The following PCDHGA5 variants were observed in gnomAD, a reference collection of about 807,000 sequenced individuals.
The protein encoded by PCDHGA5 is protocadherin gamma subfamily A, 5, also known as protocadherin gamma-A5.
PCDHGA5 carries 36 observed loss-of-function variants against 56.7 expected under a neutral mutation model. The ratio of observed to expected loss-of-function variants is 0.64; its 90% CI spans 0.49 to 0.84. The LOEUF is 0.84. Among genes scored for constraint, PCDHGA5 ranks in the 40% least tolerant of loss-of-function variants. The pLI is 0.00. For missense variants in PCDHGA5, 1,305 were observed against 1,201.5 expected, an observed-to-expected ratio of 1.09 and a Z score of -1.27; for synonymous variants, 563 against 520.2, an observed-to-expected ratio of 1.08 and a Z score of -1.12.
intron 1 of PCDHGA5, chr5:141,384,902 T>A: frequency 3.1e-6 from 5 of 1,613,898 alleles, no homozygotes; most frequent in Non-Finnish European, 4.2e-6. Flanking sequence ...GCTGACAGCA[T>A]CCCCGAAGTC....
At chr5:141,495,123 T>C (rs2099759225) in intron 2 of PCDHGA5, among the ~76,000 whole-genome samples, 1 of 152,162 alleles carries the variant, frequency 6.6e-6, no homozygotes, top group African/African-American at 2.4e-5. Flanking sequence ...TCCTATCCCC[T>C]GAGGGCACTG....
At chr5:141,409,832 G>A (rs777679132) in intron 1 of PCDHGA5, 20 of 1,610,814 alleles carry the variant, frequency 1.2e-5, no homozygotes, top group Non-Finnish European at 1.6e-5. Context: ...CACGCTCAGC[G>A]CCAACGTGAG....
At chr5:141,484,891 C>T in intron 1 of PCDHGA5, 1 of 361,788 alleles carries the variant, frequency 2.8e-6, no homozygotes, top group Non-Finnish European at 5.0e-6. Context: ...GGGCTTTTTC[C>T]CCTCCAATGC....
chr5:141,476,912 G>A lies in PCDHGA5; in HGVS notation c.2422-17895G>A, dbSNP rs1196222770. 1.9e-6 allele frequency: 3 copies of A among 1,614,098 alleles called. No homozygotes were observed. Among genetic ancestry groups the A allele is most frequent in the Non-Finnish European group, 2.5e-6 (3 of 1,180,048 alleles). On this transcript the variant is annotated intron_variant, in intron 1 of 3. Coordinates refer to ENST00000518069, the MANE Select transcript of PCDHGA5 (RefSeq NM_018918.3). The surrounding 1 kb of genome is among the most constrained non-coding windows in gnomAD (Gnocchi z 7.6). Reference sequence around the variant, plus strand: ...ACCCTCCGGCACGCGCGTGGTACAAGTCCTTGCAACGGATCTGGATGAAGG... The same window carrying A: ...ACCCTCCGGCACGCGCGTGGTACAAATCCTTGCAACGGATCTGGATGAAGG...
chr5:141,387,736 A>C, intron 1 of PCDHGA5: 3 of 1,307,572 alleles, frequency 2.3e-6, no homozygotes, highest in East Asian at 2.5e-5. Flanking sequence ...GCCAGCCTTT[A>C]CACCGCTTCC....
intron 1 of PCDHGA5, among the ~76,000 whole-genome samples, chr5:141,425,219 G>T (rs779272038): frequency 2.0e-5 from 3 of 152,148 alleles, no homozygotes; most frequent in Non-Finnish European, 2.9e-5. Context: ...ATTGTACTTT[G>T]ACTGGAATTA....
chr5:141,415,752 T>G lies in PCDHGA5; in HGVS notation c.2421+49001T>G, dbSNP rs981275270. ...GATGTTTATTAAGGTTTTTTTTTTT[T>G]TTTTTTTTTTTTTTTTTTTTACTTT... On this transcript the variant is annotated intron_variant, in intron 1 of 3. Transcript: ENST00000518069. 5.6e-5 allele frequency: 77 copies of G among 1,372,446 alleles called. No individual in the cohort carries two copies. In the East Asian group the frequency reaches 6.8e-4, roughly 12 times the overall value. 85.0% of individuals were successfully genotyped at this position (1,372,446 alleles called of 1,614,324 possible).
chr5:141,502,373 C>A (rs2099813965), intron 2 of PCDHGA5, among the ~76,000 whole-genome samples: 1 of 151,806 alleles, frequency 6.6e-6, no homozygotes, highest in African/African-American at 2.4e-5. Context: ...TTAAAGAGTC[C>A]AGGCCAGTTG....
Position 141,364,511 on chromosome 5 carries a change from G to A in PCDHGA5, c.181G>A (p.Glu61Lys), listed in dbSNP as rs371508186. ...TGGGCTGGAGCCCCAGGAGCTGGCG[G>A]AGCGCGGAGTCCGCATCGTCTCCAG... ...DLGLEPQELA[E>K]RGVRIVSRGR... Residue 61 changes from glutamate to lysine, a missense_variant, in exon 1 of 4, where the codon GAG (glutamate) becomes AAG (lysine). Coordinates refer to ENST00000518069, the MANE Select transcript of PCDHGA5 (RefSeq NM_018918.3). 2.5e-6 allele frequency: 4 copies of A among 1,613,922 alleles called. No individual in the cohort carries two copies. The highest frequency in any genetic ancestry group is 1.7e-6 in the Non-Finnish European group (2 of 1,179,916).
intron 1 of PCDHGA5, chr5:141,371,832 G>C (rs765040359): frequency 6.2e-7 from 1 of 1,613,780 alleles, no homozygotes. Context: ...CTCGGATCCC[G>C]ACTTGGGACC....
chr5:141,383,658 G>A, intron 1 of PCDHGA5: 1 of 1,614,036 alleles, frequency 6.2e-7, no homozygotes, highest in Admixed American at 1.7e-5. Context: ...CTGTCCCCGA[G>A]AATGTGCCAG....
rs774588043 is a variant in PCDHGA5, at chr5:141,365,090, A to G, written c.760A>G (p.Asn254Asp). Residue 254 changes from asparagine (N) to aspartate (D), a missense_variant, in exon 1 of 4, where the codon AAC becomes GAC. Coordinates refer to ENST00000518069, the MANE Select transcript of PCDHGA5 (RefSeq NM_018918.3). ...CGAGTACAGCGTGAGTGTTCCAGAG[A>G]ACATACCTGTGGGCACTCGGCTGCT... ...PSEYSVSVPENIPVGTRLLML... is the reference protein window; with the variant it reads ...PSEYSVSVPEDIPVGTRLLML... The G allele has an allele frequency of 6.2e-7, 1 of 1,613,830 alleles. No homozygotes were observed. Among genetic ancestry groups the G allele is most frequent in the East Asian group, 2.2e-5 (1 of 44,878 alleles).
At chr5:141,414,283 G>T in intron 1 of PCDHGA5, 1 of 1,613,520 alleles carries the variant, frequency 6.2e-7, no homozygotes, top group Non-Finnish European at 8.5e-7. Flanking sequence ...GGGAACAGTC[G>T]TAGCCCTTTT....
chr5:141,421,389 G>T (rs200646513), intron 1 of PCDHGA5: 1 of 1,613,934 alleles, frequency 6.2e-7, no homozygotes, highest in African/African-American at 1.3e-5. Context: ...AGGACCTGGG[G>T]CTGGAGCCCC....
chr5:141,478,847 AAC>A (rs2099480409), intron 1 of PCDHGA5: 1 of 1,389,782 alleles, frequency 7.2e-7, no homozygotes, highest in South Asian at 1.5e-5. Context: ...GTTAAGCTAA[AAC>A]ACAAGATCTC....
intron 1 of PCDHGA5, chr5:141,377,947 G>A (rs1280441389): frequency 1.3e-5 from 2 of 152,286 alleles, no homozygotes; most frequent in Middle Eastern, 3.4e-3. Flanking sequence ...TATAGAGTGT[G>A]TATCCAGGGC....
chr5:141,506,666 C>A (rs894880559), intron 3 of PCDHGA5, among the ~76,000 whole-genome samples: 2 of 152,120 alleles, frequency 1.3e-5, no homozygotes, highest in South Asian at 4.1e-4. Context: ...AGAGTAAGGG[C>A]ACAATATATT....
At chr5:141,451,193 A>T (rs2098710240) in intron 1 of PCDHGA5, among the ~76,000 whole-genome samples, 1 of 152,208 alleles carries the variant, frequency 6.6e-6, no homozygotes, top group Non-Finnish European at 1.5e-5. Context: ...TGTGTAACAA[A>T]TTATCCCAAA....
intron 1 of PCDHGA5, among the ~76,000 whole-genome samples, chr5:141,373,008 C>T (rs1031800528): frequency 6.6e-6 from 1 of 152,074 alleles, no homozygotes; most frequent in Non-Finnish European, 1.5e-5. Flanking sequence ...CATAGAAAGC[C>T]TCCTTTTGAT....
Sources: allele counts gnomAD v4.1 joint callset (sites outside exome capture counted in the v4.1 genomes callset), GRCh38; gene constraint gnomAD v4.1.1; non-coding constraint Gnocchi (gnomAD v3.1); transcripts MANE v1.5; gene names NCBI Gene and HGNC (gene_info 2026-07-23, HGNC 2026-07-21).